Variants in GOLGB1 observed in about 807,000 individuals in gnomAD.
The protein encoded by GOLGB1 is golgin subfamily B member 1.
In GOLGB1, 174 loss-of-function variants were observed where a neutral mutation model predicts 336.9. The observed-to-expected ratio is 0.52, with a 90% CI of 0.46 to 0.59. The LOEUF (loss-of-function observed/expected upper bound fraction) is 0.59, where lower values mean the gene tolerates loss of function less well. Among genes scored for constraint, GOLGB1 ranks in the 20% least tolerant of loss-of-function variants. The probability of loss-of-function intolerance (pLI) is 0.00; values close to 1 mark genes in which losing one functional copy is unlikely to be tolerated. For synonymous variants in GOLGB1, 1,208 were observed against 1,289.2 expected (o/e 0.94, Z 1.35); for missense variants, 3,331 against 3,645.3 (o/e 0.91, Z 2.22).
At position 121,690,770 on chromosome 3, in the gene GOLGB1, T is replaced by C. The variant is rs1560208874; in HGVS notation, c.8594A>G (p.Glu2865Gly). 1 of 1,591,218 alleles carries C rather than the reference T, an allele frequency of 6.3e-7. No individual in the cohort carries two copies. Among genetic ancestry groups the C allele is most frequent in the Non-Finnish European group, 8.5e-7 (1 of 1,170,128 alleles). ...NELEKFRKSE[E>G]GKQRSAAQPS... ...CTGAGCTGCAGACCTCTGCTTCCCT[T>C]CCTCTGACTTTCGAAATTTCTCCAG... Residue 2865 changes from glutamate to glycine, a missense_variant, in exon 14 of 22, where the codon GAA becomes GGA. Transcript: ENST00000614479.
chr3:121,712,389 G>C (rs1944425019), intron 10 of GOLGB1, among the ~76,000 whole-genome samples: 1 of 151,688 alleles, frequency 6.6e-6, no homozygotes, highest in South Asian at 2.1e-4. Context: ...TTCATAAACT[G>C]GGGCTAAGCA....
rs73179975 is a variant in GOLGB1 at position 121,686,065 on chromosome 3, A to G, written c.8695-4200T>C. ...CGTAATTCTTTTGCTCTGCACTTAC[A>G]TTAAGGGACAGCTAAATAAAAACCC... is the stretch of plus-strand genomic sequence containing the variant. On this transcript the variant is annotated intron_variant, in intron 14 of 21. Coordinates refer to ENST00000614479, the MANE Select transcript of GOLGB1 (RefSeq NM_001366282.2). Among the ~76,000 whole-genome samples, 714 of 152,250 alleles carry G rather than the reference A, an allele frequency of 4.7e-3. 3 individuals carry two copies. The highest frequency in any genetic ancestry group is 6.8e-3 in the Middle Eastern group (2 of 294).
At position 121,697,322 on chromosome 3, in the gene GOLGB1, T is replaced by A; in HGVS notation, c.3201A>T (p.Leu1067Phe). The change falls in exon 13 of 22, where the codon TTA becomes TTT. Residue 1067 changes from leucine (L) to phenylalanine (F), a missense_variant. Coordinates refer to ENST00000614479, the MANE Select transcript of GOLGB1 (RefSeq NM_001366282.2). ...CTTCTTTCTCAGATATTGTCTGTTT[T>A]AAATAAATTTCTATTTCTTGGCACT... ...TSKCQEIEIYLKQTISEKEVE... is the reference protein window; with the variant it reads ...TSKCQEIEIYFKQTISEKEVE... 1 of 1,613,554 alleles carries A rather than the reference T, an allele frequency of 6.2e-7. No homozygotes were observed. Among genetic ancestry groups the A allele is most frequent in the Non-Finnish European group, 8.5e-7 (1 of 1,179,702 alleles).
At position 121,691,940 on chromosome 3, in the gene GOLGB1, T is replaced by A. The variant is rs768354452; in HGVS notation, c.7424A>T (p.Gln2475Leu). The change falls in exon 14 of 22, where the codon CAA becomes CTA. Residue 2475 changes from glutamine to leucine, a missense_variant. By Grantham distance (113) the Gln-to-Leu change is moderately radical (BLOSUM62 -2). Coordinates refer to ENST00000614479, the MANE Select transcript of GOLGB1 (RefSeq NM_001366282.2). ...DSFVKSMSSL[Q>L]NDRDRIVGDY... ...ACCCACTATGCGGTCTCGATCATTT[T>A]GGAGAGAAGACATGGATTTAACAAA... is the stretch of plus-strand genomic sequence containing the variant. The A allele has an allele frequency of 6.2e-7, 1 of 1,614,230 alleles. No homozygotes were observed. Among genetic ancestry groups the A allele is most frequent in the East Asian group, 2.2e-5 (1 of 44,886 alleles).
Position 121,697,663 on chromosome 3 carries a change from C to A in GOLGB1, c.2860G>T (p.Val954Leu). The A allele has an allele frequency of 6.2e-7, 1 of 1,612,576 alleles. No homozygotes were observed. Among genetic ancestry groups the A allele is most frequent in the Non-Finnish European group, 8.5e-7 (1 of 1,179,744 alleles). Residue 954 changes from valine to leucine, a missense_variant, in exon 13 of 22, where the codon GTG (valine) becomes TTG (leucine). Physicochemically the swap from Val to Leu is conservative, Grantham distance 32 (BLOSUM62 1). Coordinates refer to ENST00000614479, the MANE Select transcript of GOLGB1 (RefSeq NM_001366282.2). ...GAAGAAACTTCATTATCTTCTTCCA[C>A]CTGCTCTTTTTTTGCTTCCTCAGCT... ...SRAEEAKKEQ[V>L]EEDNEVSSGL...
At chr3:121,669,422 G>T in intron 17 of GOLGB1, 67 bp from the exon 18 acceptor site, 1 of 1,247,016 alleles carries the variant, frequency 8.0e-7, no homozygotes, top group Non-Finnish European at 1.1e-6. Context: ...GAAATGTTCT[G>T]AGTTTTCAGG....
Position 121,747,304 on chromosome 3 carries a change from T to C in GOLGB1, c.-3+2328A>G, listed in dbSNP as rs567057330. Among the ~76,000 whole-genome samples, 154 of 142,876 alleles carry C rather than the reference T, an allele frequency of 1.1e-3. 1 individual carries two copies. The highest frequency in any genetic ancestry group is 3.0e-3 in the South Asian group (14 of 4,600). The allele number at this position is 142,876 out of a possible 152,430, so 93.7% of individuals were successfully genotyped here. A position where few individuals can be genotyped will look rare whatever the true frequency, so the allele number is the denominator to read the frequency against. On this transcript the variant is annotated intron_variant, in intron 1 of 21. Transcript: ENST00000614479. ...ATATATGTATATATATGTGTATATATGTATATATGTATATATGTGTATATA... is the reference window on the plus strand; with the variant it reads ...ATATATGTATATATATGTGTATATACGTATATATGTATATATGTGTATATA...
chr3:121,707,225 C>CAAAAAAAAAAAAAAAAAAAAA (rs554313106), intron 10 of GOLGB1, among the ~76,000 whole-genome samples: 1 of 93,644 alleles, frequency 1.1e-5, no homozygotes, highest in Non-Finnish European at 2.0e-5. Flanking sequence ...GACTCCATCT[C>CAAAAAAAAAAAAAAAAAAAAA]AAAAAAAAAA....
intron 10 of GOLGB1, among the ~76,000 whole-genome samples, chr3:121,705,250 T>C (rs1048956913): frequency 6.6e-6 from 1 of 152,214 alleles, no homozygotes; most frequent in East Asian, 1.9e-4. Context: ...ATTATGGATA[T>C]ATGTTATACT....
intron 3 of GOLGB1, among the ~76,000 whole-genome samples, 177 bp from the exon 4 acceptor site, chr3:121,729,517 G>A (rs193062392): frequency 6.6e-5 from 10 of 152,164 alleles, no homozygotes; most frequent in African/African-American, 2.2e-4. Context: ...AGGCTCAAGC[G>A]ATCCTATCTC....
intron 20 of GOLGB1, among the ~76,000 whole-genome samples, chr3:121,667,043 C>T (rs1045572162): frequency 3.9e-5 from 6 of 152,142 alleles, no homozygotes; most frequent in African/African-American, 1.4e-4. Context: ...GTGCATTTGC[C>T]AACAAATAAA....
intron 10 of GOLGB1, among the ~76,000 whole-genome samples, chr3:121,709,903 A>G (rs1011191786): frequency 2.6e-5 from 4 of 152,118 alleles, no homozygotes; most frequent in African/African-American, 9.7e-5. Flanking sequence ...AGCTGAATAA[A>G]TTCTAGATAG....
In GOLGB1 at chr3:121,692,180, C is replaced by T; in HGVS notation, c.7184G>A (p.Gly2395Asp). The T allele has an allele frequency of 6.2e-7, 1 of 1,603,968 alleles. No homozygotes were observed. Among genetic ancestry groups the T allele is most frequent in the Non-Finnish European group, 8.5e-7 (1 of 1,177,316 alleles). ...KEQKIISLLSGKEEAIQVAIA... is the reference protein window; with the variant it reads ...KEQKIISLLSDKEEAIQVAIA... ...AGCTACTTGGATTGCCTCTTCCTTG[C>T]CAGAAAGCAGGCTTATAATCTTTTG... Residue 2395 changes from glycine (G) to aspartate (D), a missense_variant, in exon 14 of 22, where the codon GGC becomes GAC. Physicochemically the swap from Gly to Asp is moderately conservative, Grantham distance 94. Coordinates refer to ENST00000614479, the MANE Select transcript of GOLGB1 (RefSeq NM_001366282.2).
At chr3:121,677,151 G>GCCCATCT in intron 16 of GOLGB1, 121 bp from the exon 17 acceptor site, 1 of 1,260,286 alleles carries the variant, frequency 7.9e-7, no homozygotes. Flanking sequence ...ACTTAATAGT[G>GCCCATCT]GCAGATGGGC....
At chr3:121,689,080 C>CT (rs1250927555) in intron 14 of GOLGB1, among the ~76,000 whole-genome samples, 5 of 150,830 alleles carry the variant, frequency 3.3e-5, no homozygotes, top group African/African-American at 1.2e-4. Flanking sequence ...GTCAGCCCCC[C>CT]GCCCGGCCAG....
chr3:121,679,264 C>A (rs112931489), intron 15 of GOLGB1, among the ~76,000 whole-genome samples: 1 of 152,040 alleles, frequency 6.6e-6, no homozygotes, highest in Non-Finnish European at 1.5e-5. Flanking sequence ...CAAAAAAATC[C>A]GCAATCCAAA....
chr3:121,710,849 T>C (rs752465352), intron 10 of GOLGB1, among the ~76,000 whole-genome samples: 4 of 148,360 alleles, frequency 2.7e-5, no homozygotes, highest in Non-Finnish European at 6.0e-5. Context: ...GGAGTGACTC[T>C]GTCTCAAAAC....
At position 121,696,267 on chromosome 3, in the gene GOLGB1, T is replaced by TG. The variant is rs748319921; in HGVS notation, c.4255dup (p.Gln1419ProfsTer3). On this transcript the variant is annotated frameshift_variant, in exon 13 of 22. Coordinates refer to ENST00000614479, the MANE Select transcript of GOLGB1 (RefSeq NM_001366282.2). LOFTEE classifies it high-confidence loss of function. ...GAGAGCTGCTTCTTTCTCACTAAGT[T>TG]GTCCAGAAAGGTAGCTAACGTCTTC... 2 of 1,614,056 alleles carry TG rather than the reference T, an allele frequency of 1.2e-6. No individual in the cohort carries two copies. Among genetic ancestry groups the TG allele is most frequent in the South Asian group, 2.2e-5 (2 of 91,064 alleles).
In GOLGB1 at chr3:121,697,144, T is replaced by A. The variant is rs755670901; in HGVS notation, c.3379A>T (p.Ile1127Phe). 4 of 1,614,148 alleles carry A rather than the reference T, an allele frequency of 2.5e-6. No individual in the cohort carries two copies. The South Asian group carries it at 3.3e-5, about 13-fold the overall frequency. ...GTGTTACTTGTGATTAACTTCTGGA[T>A]AATTGCTTGGTTTTCACTGATTTCT... ...QAEISENQAI[I>F]QKLITSNTDA... Residue 1127 changes from isoleucine to phenylalanine, a missense_variant, in exon 13 of 22, where the codon ATC (isoleucine) becomes TTC (phenylalanine). Physicochemically the swap from Ile to Phe is conservative, Grantham distance 21. Transcript: ENST00000614479.
Sources: allele counts gnomAD v4.1 joint callset (sites outside exome capture counted in the v4.1 genomes callset), GRCh38; gene constraint gnomAD v4.1.1; transcripts MANE v1.5; gene names NCBI Gene and HGNC (gene_info 2026-07-23, HGNC 2026-07-21).